Variants in PTPRT observed in about 807,000 individuals in gnomAD.
PTPRT encodes receptor-type tyrosine-protein phosphatase T.
Under a neutral mutation model 176.8 loss-of-function variants are expected in PTPRT, and 56 were observed. The ratio of observed to expected loss-of-function variants is 0.32; its 90% confidence interval spans 0.26 to 0.40. The LOEUF is 0.40. Among genes scored for constraint, PTPRT ranks in the 10% least tolerant of loss-of-function variants. The probability of loss-of-function intolerance (pLI) is 1.00; values close to 1 mark genes in which losing one functional copy is unlikely to be tolerated. For missense variants in PTPRT, 1,540 were observed against 1,908.2 expected (o/e 0.81, Z 3.60); for synonymous variants, 783 against 739.0 (o/e 1.06, Z -0.96).
intron 7 of PTPRT, among the ~76,000 whole-genome samples, chr20:42,598,087 A>T (rs2145780074): frequency 6.6e-6 from 1 of 152,272 alleles, no homozygotes; most frequent in Admixed American, 6.5e-5. Context: ...CATAAAAATG[A>T]GTTCAAATAA....
chr20:43,163,265 G>A (rs2014749686), intron 1 of PTPRT, among the ~76,000 whole-genome samples: 1 of 152,164 alleles, frequency 6.6e-6, no homozygotes, highest in African/African-American at 2.4e-5. Flanking sequence ...CTTGCTTGGA[G>A]GCCAGCCACA....
chr20:43,172,828 G>A (rs925919875), intron 1 of PTPRT, among the ~76,000 whole-genome samples: 7 of 151,786 alleles, frequency 4.6e-5, no homozygotes, highest in Admixed American at 1.3e-4. Context: ...AATTAGCACA[G>A]GCTTAACTTG....
chr20:42,604,513 T>TC (rs1211903963), intron 7 of PTPRT, among the ~76,000 whole-genome samples: 1 of 148,812 alleles, frequency 6.7e-6, no homozygotes, highest in East Asian at 1.9e-4. Context: ...GATTTAGTTC[T>TC]CTTTTTTTTT....
At chr20:42,350,901 A>G (rs1718530029) in intron 10 of PTPRT, among the ~76,000 whole-genome samples, 171 bp from the exon 11 acceptor site, 2 of 152,184 alleles carry the variant, frequency 1.3e-5, no homozygotes, top group Admixed American at 6.5e-5. Context: ...CCGATGCCCA[A>G]CCTGCCCATA....
chr20:42,358,109 T>C (rs959359210), intron 9 of PTPRT, among the ~76,000 whole-genome samples: 2 of 151,922 alleles, frequency 1.3e-5, no homozygotes, highest in African/African-American at 4.8e-5. Context: ...GTCTGGCATT[T>C]AATCAATAAT....
At chr20:42,379,943 G>A (rs143210398) in intron 9 of PTPRT, among the ~76,000 whole-genome samples, 120 of 152,262 alleles carry the variant, frequency 7.9e-4, no homozygotes, top group African/African-American at 2.7e-3. Context: ...GCAGAGGGAC[G>A]TGAAGGATAT....
At chr20:42,268,896 G>GGCGCAAATGGC (rs1177734090) in intron 13 of PTPRT, among the ~76,000 whole-genome samples, 88 of 152,246 alleles carry the variant, frequency 5.8e-4, no homozygotes, top group African/African-American at 2.1e-3. Context: ...TGTGGGTGCT[G>GGCGCAAATGGC]GCGCAAATGG....
chr20:42,392,700 A>G (rs1158027554), intron 9 of PTPRT, among the ~76,000 whole-genome samples: 1 of 152,206 alleles, frequency 6.6e-6, no homozygotes, highest in Non-Finnish European at 1.5e-5. Context: ...CTGAAAACTC[A>G]GAGGGAGTAT....
intron 1 of PTPRT, among the ~76,000 whole-genome samples, chr20:42,897,607 T>C (rs2079325311): frequency 6.6e-6 from 1 of 152,196 alleles, no homozygotes. Context: ...TCAATGAGGT[T>C]AAGCAGCCCC....
chr20:43,182,688 C>T (rs916822544), intron 1 of PTPRT, among the ~76,000 whole-genome samples: 1 of 152,094 alleles, frequency 6.6e-6, no homozygotes, highest in Non-Finnish European at 1.5e-5. Flanking sequence ...ACCACTCGCC[C>T]GGCCGTGGTT....
intron 9 of PTPRT, among the ~76,000 whole-genome samples, chr20:42,367,306 G>A (rs1441880096): frequency 6.6e-6 from 1 of 152,180 alleles, no homozygotes; most frequent in Admixed American, 6.5e-5. Context: ...GGAGACTGTC[G>A]AGTAGGTCAG....
intron 4 of PTPRT, among the ~76,000 whole-genome samples, chr20:42,772,752 G>T (rs1026621359): frequency 1.3e-5 from 2 of 152,166 alleles, no homozygotes; most frequent in Admixed American, 6.5e-5. Flanking sequence ...GGAGGCTTTG[G>T]CCATCTTTCT....
chr20:42,773,995 C>T lies in PTPRT; in HGVS notation c.569-2445G>A, dbSNP rs191421574. 1.1e-4 allele frequency among the ~76,000 whole-genome samples: 16 copies of T among 152,356 alleles called. No individual in the cohort carries two copies. In the East Asian group the frequency reaches 3.1e-3, roughly 29 times the overall value. ...CTCTCCACTTCTTCCTTCTCAGCAA[C>T]AGACCTTTTGCCTTGATTCTTTCAT... is the stretch of plus-strand genomic sequence containing the variant. On this transcript the variant is annotated intron_variant, in intron 4 of 30. Coordinates refer to ENST00000373187, the MANE Select transcript of PTPRT (RefSeq NM_007050.6).
intron 7 of PTPRT, among the ~76,000 whole-genome samples, chr20:42,558,691 C>T (rs2072901720): frequency 6.6e-6 from 1 of 152,036 alleles, no homozygotes; most frequent in South Asian, 2.1e-4. Flanking sequence ...CCCAACTCAC[C>T]CTCATGGATT....
chr20:42,552,833 A>G (rs6030322), intron 7 of PTPRT, among the ~76,000 whole-genome samples: 58,529 of 151,996 alleles, frequency 0.39, 11,372 homozygotes, highest in Admixed American at 0.43. Context: ...GCCAGGAAGC[A>G]TGAACAACAG....
chr20:43,032,454 C>T (rs1986176469), intron 1 of PTPRT, among the ~76,000 whole-genome samples: 1 of 144,654 alleles, frequency 6.9e-6, no homozygotes, highest in Non-Finnish European at 1.5e-5. Context: ...CCCTCACCCA[C>T]TGTCCCAAAT....
At chr20:42,729,921 C>T (rs1417377315) in intron 6 of PTPRT, among the ~76,000 whole-genome samples, 1 of 152,196 alleles carries the variant, frequency 6.6e-6, no homozygotes, top group Non-Finnish European at 1.5e-5. Flanking sequence ...TTGACCACAG[C>T]TTCCAATGAA....
chr20:42,892,625 G>A (rs1226094044), intron 1 of PTPRT, among the ~76,000 whole-genome samples: 1 of 152,176 alleles, frequency 6.6e-6, no homozygotes, highest in Non-Finnish European at 1.5e-5. Context: ...GATCTGCCAT[G>A]GATGAGGATA....
At chr20:42,225,810 A>G (rs1426459379) in intron 15 of PTPRT, among the ~76,000 whole-genome samples, 1 of 152,036 alleles carries the variant, frequency 6.6e-6, no homozygotes, top group Non-Finnish European at 1.5e-5. Context: ...GCACCACCCC[A>G]CCAGGCTAAT....
Sources: gnomAD v4.1 joint callset for allele counts (sites outside exome capture counted in the v4.1 genomes callset) on GRCh38, gnomAD v4.1.1 for gene constraint, MANE v1.5 for transcripts, NCBI Gene and HGNC (gene_info 2026-07-23, HGNC 2026-07-21) for gene names.